DIS3L2: variants seen among roughly 807,000 people sequenced by gnomAD.
The protein encoded by DIS3L2 is DIS3 like 3'-5' exoribonuclease 2.
In DIS3L2, 34 loss-of-function variants were observed where a neutral mutation model predicts 97.5. The ratio of observed to expected loss-of-function variants is 0.35; its 90% confidence interval spans 0.27 to 0.46. The LOEUF is 0.46. DIS3L2 is among the 20% of genes least tolerant of loss of function. The probability of loss-of-function intolerance (pLI) is 1.00; values close to 1 mark genes in which losing one functional copy is unlikely to be tolerated. For missense variants in DIS3L2, 1,038 were observed against 1,146.0 expected (o/e 0.91, Z 1.36); for synonymous variants, 435 against 445.2 (o/e 0.98, Z 0.29).
At chr2:232,028,999 C>CT (rs1390816471) in intron 4 of DIS3L2, among the ~76,000 whole-genome samples, 2 of 152,094 alleles carry the variant, frequency 1.3e-5, no homozygotes, top group Non-Finnish European at 2.9e-5. Context: ...GCCCCTCCCC[C>CT]TTTTTTTGAT....
chr2:232,308,333 G>C (rs558279439), intron 14 of DIS3L2, among the ~76,000 whole-genome samples: 4 of 152,332 alleles, frequency 2.6e-5, no homozygotes, highest in Non-Finnish European at 5.9e-5. Flanking sequence ...GAGGCCAGCA[G>C]TTGCTGGCAG....
In DIS3L2 at chr2:232,298,633, C is replaced by T. The variant is rs548857476; in HGVS notation, c.1660-1407C>T. On this transcript the variant is annotated intron_variant, in intron 13 of 20. Transcript: ENST00000325385. The stretch of plus-strand genomic sequence containing the variant: ...CTTTCCCACTAAGGAAGAGAAAAAT[C>T]GTCCAGTATCTAATGATGCAGATCA... Among the ~76,000 whole-genome samples the T allele has an allele frequency of 6.6e-5, 10 of 152,190 alleles. No homozygotes were observed. The East Asian group carries it at 1.9e-3, about 29-fold the overall frequency.
chr2:232,057,350 C>T (rs543806763), intron 5 of DIS3L2, among the ~76,000 whole-genome samples: 5 of 152,106 alleles, frequency 3.3e-5, no homozygotes, highest in South Asian at 2.1e-4. Context: ...GTGGGACCTG[C>T]GAATATGGTG....
intron 13 of DIS3L2, among the ~76,000 whole-genome samples, chr2:232,278,101 TGA>T (rs1184086730): frequency 3.9e-5 from 6 of 152,174 alleles, no homozygotes; most frequent in Admixed American, 3.9e-4. Context: ...CTCACTAAAT[TGA>T]GAGTTTGTTA....
intron 1 of DIS3L2, among the ~76,000 whole-genome samples, chr2:232,005,306 G>A (rs1694021936): frequency 6.6e-6 from 1 of 150,782 alleles, no homozygotes; most frequent in Admixed American, 6.7e-5. Flanking sequence ...GAAATTTTTA[G>A]GCCTTTATAA....
At chr2:232,169,922 A>G (rs1212503648) in intron 9 of DIS3L2, among the ~76,000 whole-genome samples, 1 of 152,168 alleles carries the variant, frequency 6.6e-6, no homozygotes, top group Admixed American at 6.5e-5. Flanking sequence ...TTATTTTGAA[A>G]AGAAAAATGG....
chr2:232,341,246 G>A (rs1254701071), downstream of DIS3L2, among the ~76,000 whole-genome samples: 4 of 152,180 alleles, frequency 2.6e-5, no homozygotes, highest in African/African-American at 4.8e-5. Flanking sequence ...GCAAGCGCTC[G>A]GGACAGTGGT....
chr2:232,248,591 T>C (rs1180684021), intron 11 of DIS3L2, among the ~76,000 whole-genome samples: 1 of 152,180 alleles, frequency 6.6e-6, no homozygotes, highest in Non-Finnish European at 1.5e-5. Flanking sequence ...TACCGTTGAC[T>C]CAGTTTATTA....
At chr2:231,978,444 A>G (rs999190365) in intron 1 of DIS3L2, 2 of 152,192 alleles carry the variant, frequency 1.3e-5, no homozygotes, top group Non-Finnish European at 2.9e-5. Flanking sequence ...CATAGCGTCA[A>G]ATGTGTTTGT....
chr2:232,070,809 T>G (rs1026965733), intron 5 of DIS3L2, among the ~76,000 whole-genome samples: 9 of 152,174 alleles, frequency 5.9e-5, no homozygotes, highest in African/African-American at 1.7e-4. Flanking sequence ...GGTCTCGATC[T>G]CTTGACCTTG....
At chr2:232,218,962 C>T (rs941845675) in intron 10 of DIS3L2, among the ~76,000 whole-genome samples, 1 of 152,208 alleles carries the variant, frequency 6.6e-6, no homozygotes, top group Non-Finnish European at 1.5e-5. Flanking sequence ...AGCGCTGCTT[C>T]CCTTAACACA....
At position 232,292,893 on chromosome 2, in the gene DIS3L2, G is replaced by A. The variant is rs530710336; in HGVS notation, c.1660-7147G>A. 2.0e-5 allele frequency among the ~76,000 whole-genome samples: 3 copies of A among 152,282 alleles called. No homozygotes were observed. Among genetic ancestry groups the A allele is most frequent in the African/African-American group, 7.2e-5 (3 of 41,552 alleles). ...TCCCTCTTCACTCAATACCAGGACC[G>A]TTGTGCAGTTGGAAACTGTCCACCC... On this transcript the variant is annotated intron_variant, in intron 13 of 20. Transcript: ENST00000325385. The surrounding 1 kb of genome is among the most constrained non-coding windows in gnomAD (Gnocchi z 4.4).
chr2:232,043,706 G>A (rs1695166308), intron 5 of DIS3L2, among the ~76,000 whole-genome samples: 1 of 152,144 alleles, frequency 6.6e-6, no homozygotes, highest in Non-Finnish European at 1.5e-5. Flanking sequence ...GTTGATTTTG[G>A]AATTAAGTTA....
rs1698365394 is a variant in DIS3L2 at position 232,136,620 on chromosome 2, A to G, written c.851A>G (p.Asp284Gly). 2 of 1,613,820 alleles carry G rather than the reference A, an allele frequency of 1.2e-6. No homozygotes were observed. Among genetic ancestry groups the G allele is most frequent in the Non-Finnish European group, 1.7e-6 (2 of 1,179,916 alleles). The change falls in exon 8 of 21, where the codon GAC (aspartate) becomes GGC (glycine). Residue 284 changes from aspartate (D) to glycine (G), a missense_variant. Asp to Gly is a moderately conservative substitution (Grantham distance 94). Coordinates refer to ENST00000325385, the MANE Select transcript of DIS3L2 (RefSeq NM_152383.5). ...CCTAGAATTTATGTGCCTCTCAAGGACTGTCCCCAGGACTTTGTGGCACGG... is the reference window on the plus strand; with the variant it reads ...CCTAGAATTTATGTGCCTCTCAAGGGCTGTCCCCAGGACTTTGTGGCACGG... ...RVPRIYVPLK[D>G]CPQDFVARPK...
chr2:232,031,618 T>G (rs1208069635), intron 5 of DIS3L2, among the ~76,000 whole-genome samples: 1 of 151,924 alleles, frequency 6.6e-6, no homozygotes, highest in Non-Finnish European at 1.5e-5. Flanking sequence ...ATCATCTATA[T>G]TAGGTATTTC....
chr2:232,174,965 G>A (rs1691110031), intron 9 of DIS3L2, among the ~76,000 whole-genome samples: 1 of 152,062 alleles, frequency 6.6e-6, no homozygotes, highest in African/African-American at 2.4e-5. Context: ...ACGTAGCTGG[G>A]ACAACAGGGC....
chr2:232,018,404 G>T (rs1300723427), intron 3 of DIS3L2, among the ~76,000 whole-genome samples: 1 of 152,168 alleles, frequency 6.6e-6, no homozygotes, highest in Non-Finnish European at 1.5e-5. Flanking sequence ...TTGCAGATGG[G>T]AAAAGGAATG....
chr2:231,974,051 T>C (rs995229571), intron 1 of DIS3L2, among the ~76,000 whole-genome samples: 1 of 152,058 alleles, frequency 6.6e-6, no homozygotes, highest in African/African-American at 2.4e-5. Context: ...TAAAAAAATA[T>C]ATATATATAC....
Position 232,227,359 on chromosome 2 carries a change from G to C in DIS3L2, c.1205-11174G>C, listed in dbSNP as rs76412857. On this transcript the variant is annotated intron_variant, in intron 10 of 20. Coordinates refer to ENST00000325385, the MANE Select transcript of DIS3L2 (RefSeq NM_152383.5). Reference sequence around the variant, plus strand: ...AGCTCCAGTTTTGGAGTCAGACCTTGACACAAGGTGTCTGACCTCCCTGGG... The same window carrying C: ...AGCTCCAGTTTTGGAGTCAGACCTTCACACAAGGTGTCTGACCTCCCTGGG... 7.2e-3 allele frequency among the ~76,000 whole-genome samples: 1,090 copies of C among 152,330 alleles called. 12 individuals carry two copies. The highest frequency in any genetic ancestry group is 0.025 in the African/African-American group (1,051 of 41,574).
Sources: gnomAD v4.1 joint callset for allele counts (sites outside exome capture counted in the v4.1 genomes callset) on GRCh38, gnomAD v4.1.1 for gene constraint, Gnocchi (gnomAD v3.1) non-coding constraint, MANE v1.5 for transcripts, NCBI Gene and HGNC (gene_info 2026-07-23, HGNC 2026-07-21) for gene names.